Variants in PCDH15 observed in about 807,000 individuals in gnomAD.
PCDH15 encodes the protein protocadherin-15.
A neutral mutation model predicts 178.5 loss-of-function variants in PCDH15; 129 were observed. The observed-to-expected ratio is 0.72, with a 90% confidence interval of 0.63 to 0.84. The LOEUF (loss-of-function observed/expected upper bound fraction) is 0.84. PCDH15 is among the 40% of genes least tolerant of loss of function. The probability of loss-of-function intolerance (pLI) is 0.00; values close to 1 mark genes in which losing one functional copy is unlikely to be tolerated. For synonymous variants in PCDH15, 800 were observed against 732.0 expected (o/e 1.09, Z -1.50); for missense variants, 2,230 against 2,099.9 (o/e 1.06, Z -1.21).
At chr10:53,932,379 C>T (rs1188034530) in intron 25 of PCDH15, among the ~76,000 whole-genome samples, 1 of 152,092 alleles carries the variant, frequency 6.6e-6, no homozygotes, top group East Asian at 1.9e-4. Context: ...GAAGCACAGA[C>T]CTTTCTAGAT....
Position 54,465,460 on chromosome 10 carries a change from T to A in PCDH15, c.157+62352A>T, listed in dbSNP as rs575358736. 3.3e-5 allele frequency among the ~76,000 whole-genome samples: 5 copies of A among 152,130 alleles called. No individual in the cohort carries two copies. The East Asian group carries it at 5.8e-4, about 18-fold the overall frequency. Reference sequence around the variant, plus strand: ...TAGTCTATACCTTCATGATATTACCTTTTTTAGCCCCACATATAGTGAGAA... The same window carrying A: ...TAGTCTATACCTTCATGATATTACCATTTTTAGCCCCACATATAGTGAGAA... On this transcript the variant is annotated intron_variant, in intron 3 of 37. Coordinates refer to ENST00000644397, the MANE Select transcript of PCDH15 (RefSeq NM_001384140.1).
At chr10:54,503,131 G>T (rs1262428263) in intron 3 of PCDH15, among the ~76,000 whole-genome samples, 5 of 150,958 alleles carry the variant, frequency 3.3e-5, no homozygotes, top group Admixed American at 6.6e-5. Context: ...GTATGCAGGG[G>T]ATGTCTCTGA....
intron 23 of PCDH15, among the ~76,000 whole-genome samples, chr10:53,944,301 T>C (rs961702229): frequency 1.3e-5 from 2 of 152,210 alleles, no homozygotes; most frequent in African/African-American, 4.8e-5. Context: ...TTACGATTTT[T>C]AAAGCAGATT....
At chr10:53,882,703 C>T (rs2080815128) in intron 26 of PCDH15, among the ~76,000 whole-genome samples, 1 of 152,134 alleles carries the variant, frequency 6.6e-6, no homozygotes, top group African/African-American at 2.4e-5. Flanking sequence ...TTTTCATGAA[C>T]CACTGATGGA....
At chr10:54,327,758 G>C (rs1938478735) in intron 7 of PCDH15, among the ~76,000 whole-genome samples, 1 of 151,992 alleles carries the variant, frequency 6.6e-6, no homozygotes, top group South Asian at 2.1e-4. Context: ...GTATGAGCAA[G>C]ATTACAACGC....
intron 3 of PCDH15, among the ~76,000 whole-genome samples, chr10:54,410,171 G>T (rs1422727999): frequency 6.6e-6 from 1 of 152,100 alleles, no homozygotes; most frequent in Non-Finnish European, 1.5e-5. Context: ...TGATAATAAG[G>T]CCACAATATT....
intron 2 of PCDH15, among the ~76,000 whole-genome samples, chr10:55,153,186 T>C (rs930502379): frequency 9.2e-5 from 14 of 152,132 alleles, no homozygotes; most frequent in Non-Finnish European, 2.1e-4. Context: ...AATGTCTTTA[T>C]CAGTGAAAAC....
At chr10:54,488,677 T>C (rs2079317732) in intron 3 of PCDH15, among the ~76,000 whole-genome samples, 1 of 151,882 alleles carries the variant, frequency 6.6e-6, no homozygotes, top group Non-Finnish European at 1.5e-5. Context: ...TAAGGGAAAA[T>C]GAGAGCAGTT....
chr10:54,357,058 T>C (rs1040625665), intron 5 of PCDH15, among the ~76,000 whole-genome samples: 1 of 152,144 alleles, frequency 6.6e-6, no homozygotes, highest in Non-Finnish European at 1.5e-5. Context: ...AATATCATAC[T>C]GAATGGGCAA....
At chr10:53,970,684 T>A (rs1258731692) in intron 21 of PCDH15, among the ~76,000 whole-genome samples, 1 of 151,768 alleles carries the variant, frequency 6.6e-6, no homozygotes, top group Non-Finnish European at 1.5e-5. Flanking sequence ...AGCTAGAAAG[T>A]CTAGAAGAAA....
At chr10:55,296,715 T>A (rs984498278) in intron 1 of PCDH15, among the ~76,000 whole-genome samples, 1 of 152,146 alleles carries the variant, frequency 6.6e-6, no homozygotes, top group African/African-American at 2.4e-5. Flanking sequence ...ACCTGCTTTT[T>A]AATTTATTTT....
intron 13 of PCDH15, among the ~76,000 whole-genome samples, chr10:54,159,284 G>T (rs1283937212): frequency 1.3e-5 from 2 of 152,092 alleles, no homozygotes; most frequent in Non-Finnish European, 2.9e-5. Flanking sequence ...GTATAGTCAA[G>T]GTGACTCCTA....
intron 2 of PCDH15, among the ~76,000 whole-genome samples, chr10:55,047,272 A>G (rs547282595): frequency 5.9e-5 from 9 of 152,022 alleles, no homozygotes; most frequent in African/African-American, 2.2e-4. Context: ...CATAAATACA[A>G]AAACAATTGG....
In PCDH15 at chr10:53,822,842, A is replaced by G. The variant is rs16937781; in HGVS notation, c.4368-2612T>C. The G allele has an allele frequency of 9.0e-4, 1,456 of 1,614,076 alleles. 16 individuals carry two copies. In the African/African-American group the frequency reaches 0.017, roughly 19 times the overall value. Reference sequence around the variant, plus strand: ...CTTTCTCTGTCAAATTTGCCTCTTCAGTTGTAAGCAATGGATTGCTGCTAC... The same window carrying G: ...CTTTCTCTGTCAAATTTGCCTCTTCGGTTGTAAGCAATGGATTGCTGCTAC... On this transcript the variant is annotated intron_variant, in intron 32 of 37. Transcript: ENST00000644397.
chr10:55,346,974 G>A (rs1216890763), intron 2 of PCDH15, among the ~76,000 whole-genome samples: 2 of 152,062 alleles, frequency 1.3e-5, no homozygotes, highest in African/African-American at 2.4e-5. Flanking sequence ...CAGCACTTTG[G>A]GGGGCTGAGG....
intron 37 of PCDH15, chr10:53,808,491 C>A: frequency 2.2e-6 from 3 of 1,377,048 alleles, no homozygotes; most frequent in Non-Finnish European, 2.8e-6. Flanking sequence ...AAGGATTAGT[C>A]AGTTTTACTC....
At chr10:55,442,485 A>ATAT (rs1839218247) in intron 2 of PCDH15, among the ~76,000 whole-genome samples, 1 of 91,746 alleles carries the variant, frequency 1.1e-5, no homozygotes, top group African/African-American at 3.9e-5. Flanking sequence ...TATATATTAT[A>ATAT]TATATATATA....
chr10:55,620,763 A>C (rs1004173854), intron 2 of PCDH15, among the ~76,000 whole-genome samples: 6 of 151,470 alleles, frequency 4.0e-5, no homozygotes, highest in African/African-American at 1.2e-4. Flanking sequence ...GTGGTACAAT[A>C]ATTAATATAT....
At chr10:54,070,585 T>G (rs540906849) in intron 17 of PCDH15, among the ~76,000 whole-genome samples, 1 of 152,254 alleles carries the variant, frequency 6.6e-6, no homozygotes, top group Non-Finnish European at 1.5e-5. Flanking sequence ...CATCTTTTTT[T>G]ATTTTCATTG....
Sources: gnomAD v4.1 joint callset for allele counts (sites outside exome capture counted in the v4.1 genomes callset) on GRCh38, gnomAD v4.1.1 for gene constraint, MANE v1.5 for transcripts, NCBI Gene and HGNC (gene_info 2026-07-23, HGNC 2026-07-21) for gene names.